Variants in RBFOX1 observed in about 807,000 individuals in gnomAD.
RBFOX1 encodes RNA binding protein fox-1 homolog 1.
Under a neutral mutation model 57.7 loss-of-function variants are expected in RBFOX1, and 8 were observed. That is an observed-to-expected ratio of 0.14 (90% CI 0.08 to 0.25). The LOEUF is 0.25. Among genes scored for constraint, RBFOX1 ranks in the 10% least tolerant of loss-of-function variants. The pLI is 1.00. For missense variants in RBFOX1, 611 were observed against 548.5 expected (o/e 1.11, Z -1.14); for synonymous variants, 326 against 222.4 (o/e 1.47, Z -4.15).
chr16:6,213,887 T>C (rs981006719), intron 1 of RBFOX1, among the ~76,000 whole-genome samples: 2 of 152,134 alleles, frequency 1.3e-5, no homozygotes, highest in East Asian at 3.9e-4. Context: ...GGATGTCCCA[T>C]GAATTATTGG....
At chr16:6,945,335 C>A (rs563722092) in intron 3 of RBFOX1, among the ~76,000 whole-genome samples, 1 of 152,214 alleles carries the variant, frequency 6.6e-6, no homozygotes, top group East Asian at 1.9e-4. Context: ...TACCTAGGGC[C>A]AGACAGTTAA....
At chr16:6,962,555 T>C (rs1278488216) in intron 3 of RBFOX1, among the ~76,000 whole-genome samples, 2 of 152,270 alleles carry the variant, frequency 1.3e-5, no homozygotes, top group Non-Finnish European at 1.5e-5. Context: ...TTAAAGTTCA[T>C]TCAATTCAAC....
At chr16:5,835,013 T>C (rs949613573) in intron 3 of RBFOX1, among the ~76,000 whole-genome samples, 1 of 152,150 alleles carries the variant, frequency 6.6e-6, no homozygotes, top group Non-Finnish European at 1.5e-5. Flanking sequence ...CCACTCACCA[T>C]GGCCGTTTTT....
intron 4 of RBFOX1, among the ~76,000 whole-genome samples, chr16:5,984,958 ATATATATATATATATATATT>A (rs2060251737): frequency 3.4e-5 from 1 of 29,402 alleles, no homozygotes; most frequent in Admixed American, 3.7e-4. Flanking sequence ...ATATATATAT[ATATATATATATATATATATT>A]TTTTTTTTTT....
rs977740985 is a variant in RBFOX1, at chr16:5,479,618, G to A, written c.258+12364G>A. On this transcript the variant is annotated intron_variant, in intron 2 of 2. Transcript: ENST00000585867. ...TTCTAAAAATACAAAAATTAGCTGC[G>A]TGTGGTGGTGCACGCCTGTCATCGC... Among the ~76,000 whole-genome samples the A allele has an allele frequency of 8.4e-5, 12 of 143,564 alleles. No homozygotes were observed. The East Asian group carries it at 1.2e-3, about 14-fold the overall frequency. 94.2% of individuals were successfully genotyped at this position (143,564 alleles called of 152,430 possible).
chr16:6,739,106 T>TA (rs2071296894), intron 3 of RBFOX1, among the ~76,000 whole-genome samples: 1 of 151,462 alleles, frequency 6.6e-6, no homozygotes, highest in Non-Finnish European at 1.5e-5. Flanking sequence ...TAAATAAACC[T>TA]AAAGCAAGCA....
intron 10 of RBFOX1, among the ~76,000 whole-genome samples, chr16:7,625,187 G>A (rs2059901021): frequency 6.6e-6 from 1 of 151,996 alleles, no homozygotes; most frequent in African/African-American, 2.4e-5. Context: ...ATGATGTTCT[G>A]AACACATGGT....
At chr16:5,459,513 C>G (rs558232504) in intron 1 of RBFOX1, among the ~76,000 whole-genome samples, 3 of 152,276 alleles carry the variant, frequency 2.0e-5, no homozygotes, top group African/African-American at 7.2e-5. Flanking sequence ...CGCCTGACCA[C>G]TCTAAATGGA....
intron 4 of RBFOX1, among the ~76,000 whole-genome samples, chr16:7,141,945 G>C (rs1287723355): frequency 1.3e-5 from 2 of 152,060 alleles, no homozygotes; most frequent in African/African-American, 2.4e-5. Context: ...AGATGTTTCA[G>C]CGGGATCCTA....
chr16:5,424,804 C>G (rs181043712), intron 1 of RBFOX1, among the ~76,000 whole-genome samples: 1 of 151,406 alleles, frequency 6.6e-6, no homozygotes, highest in Non-Finnish European at 1.5e-5. Flanking sequence ...CTCATGGTGT[C>G]TGTTTTCTCT....
At chr16:6,322,163 G>A (rs1233836861) in intron 2 of RBFOX1, among the ~76,000 whole-genome samples, 1 of 152,122 alleles carries the variant, frequency 6.6e-6, no homozygotes, top group Non-Finnish European at 1.5e-5. Flanking sequence ...TATTGCTCCA[G>A]GGACTTCTTA....
chr16:7,186,959 A>T (rs2083988165), intron 4 of RBFOX1, among the ~76,000 whole-genome samples: 1 of 145,906 alleles, frequency 6.9e-6, no homozygotes, highest in East Asian at 2.0e-4. Context: ...GGAGTTTGAG[A>T]CCAGCCTGGG....
chr16:7,334,934 T>G (rs2096758982), intron 4 of RBFOX1, among the ~76,000 whole-genome samples: 1 of 152,206 alleles, frequency 6.6e-6, no homozygotes, highest in East Asian at 1.9e-4. Context: ...GAGAGCAGTT[T>G]AGTGAGGAGC....
intron 4 of RBFOX1, among the ~76,000 whole-genome samples, chr16:7,300,761 T>TA (rs1031151329): frequency 2.0e-5 from 3 of 152,260 alleles, no homozygotes; most frequent in South Asian, 2.1e-4. Context: ...AATATTATTT[T>TA]ATGAGTCAAA....
chr16:6,800,214 C>T (rs1042480373), intron 3 of RBFOX1, among the ~76,000 whole-genome samples: 10 of 145,834 alleles, frequency 6.9e-5, no homozygotes, highest in African/African-American at 2.8e-4. Flanking sequence ...GTTTTCCTGC[C>T]TCATAACCAT....
At chr16:7,624,854 T>C (rs2059844691) in intron 10 of RBFOX1, among the ~76,000 whole-genome samples, 1 of 152,144 alleles carries the variant, frequency 6.6e-6, no homozygotes, top group Admixed American at 6.5e-5. Context: ...ACTGGAGAAA[T>C]GCCAAGGTTG....
At chr16:7,096,734 C>G (rs990883341) in intron 4 of RBFOX1, among the ~76,000 whole-genome samples, 5 of 151,906 alleles carry the variant, frequency 3.3e-5, no homozygotes, top group Admixed American at 2.0e-4. Flanking sequence ...GTGTTTGAGA[C>G]CAGCCTGGCT....
intron 5 of RBFOX1, among the ~76,000 whole-genome samples, chr16:7,559,590 C>A (rs1165917084): frequency 6.6e-6 from 1 of 152,188 alleles, no homozygotes; most frequent in South Asian, 2.1e-4. Flanking sequence ...ACACGAGACA[C>A]CCAATCCAAG....
intron 4 of RBFOX1, among the ~76,000 whole-genome samples, chr16:6,004,056 A>G (rs1220290880): frequency 6.6e-6 from 1 of 152,130 alleles, no homozygotes; most frequent in Non-Finnish European, 1.5e-5. Flanking sequence ...AAGAATATGT[A>G]CTCTAGGATA....
Sources: allele counts gnomAD v4.1 joint callset (sites outside exome capture counted in the v4.1 genomes callset), GRCh38; gene constraint gnomAD v4.1.1; transcripts MANE v1.5; gene names NCBI Gene and HGNC (gene_info 2026-07-23, HGNC 2026-07-21).